Variants in XYLT1 observed in about 807,000 individuals in gnomAD.
XYLT1 encodes beta-D-xylosyltransferase 1.
A neutral mutation model predicts 91.3 loss-of-function variants in XYLT1; 36 were observed. That is an observed-to-expected ratio of 0.39 (90% CI 0.30 to 0.52). The LOEUF (loss-of-function observed/expected upper bound fraction) is 0.52, where lower values mean the gene tolerates loss of function less well. Ranked by LOEUF, XYLT1 falls within the 20% of genes least tolerant of loss-of-function variation. The pLI, the probability that XYLT1 is intolerant of heterozygous loss-of-function variation, is 0.68. For missense variants in XYLT1, 1,242 were observed against 1,284.5 expected, an observed-to-expected ratio of 0.97 and a Z score of 0.51; for synonymous variants, 588 against 532.0, an observed-to-expected ratio of 1.11 and a Z score of -1.45.
chr16:17,383,812 A>C (rs2035713900), intron 1 of XYLT1, among the ~76,000 whole-genome samples: 1 of 147,442 alleles, frequency 6.8e-6, no homozygotes, highest in African/African-American at 2.5e-5. Context: ...CAATGGCAAG[A>C]TCTCGACTCA....
At chr16:17,357,748 A>T (rs1769513883) in intron 2 of XYLT1, among the ~76,000 whole-genome samples, 1 of 152,192 alleles carries the variant, frequency 6.6e-6, no homozygotes, top group South Asian at 2.1e-4. Context: ...CGAAAACTCA[A>T]AAGAAATGAT....
intron 2 of XYLT1, among the ~76,000 whole-genome samples, chr16:17,260,514 A>G (rs1243748013): frequency 6.6e-6 from 1 of 152,074 alleles, no homozygotes; most frequent in East Asian, 1.9e-4. Flanking sequence ...CATCCCTGCT[A>G]GTCCTCCTTT....
chr16:17,300,385 G>C (rs1461198514), intron 2 of XYLT1, among the ~76,000 whole-genome samples: 1 of 150,282 alleles, frequency 6.7e-6, no homozygotes, highest in Non-Finnish European at 1.5e-5. Context: ...TTGTGGTATG[G>C]TTAAATAAAC....
chr16:17,343,339 G>A (rs993690446), intron 2 of XYLT1, among the ~76,000 whole-genome samples: 2 of 152,194 alleles, frequency 1.3e-5, no homozygotes, highest in African/African-American at 2.4e-5. Flanking sequence ...CTTGCTTCAC[G>A]GCACCCAGTG....
At position 17,108,823 on chromosome 16, in the gene XYLT1, C is replaced by T; in HGVS notation, c.2752G>A (p.Asp918Asn). ...GCTGTGGGGCCCGTGGCACAGATGT[C>T]CATGGCAGTCCACATCCCGCCCACC... Reference protein sequence around the residue: ...SLVGGMWTAMDICATGPTACP... With the variant: ...SLVGGMWTAMNICATGPTACP... The change falls in exon 12 of 12, where the codon GAC becomes AAC. Residue 918 changes from aspartate (D) to asparagine (N), a missense_variant. Physicochemically the swap from Asp to Asn is conservative, Grantham distance 23 (BLOSUM62 1). Coordinates refer to ENST00000261381, the MANE Select transcript of XYLT1 (RefSeq NM_022166.4). 1 of 1,612,742 alleles carries T rather than the reference C, an allele frequency of 6.2e-7. No individual in the cohort carries two copies. Among genetic ancestry groups the T allele is most frequent in the Non-Finnish European group, 8.5e-7 (1 of 1,179,952 alleles).
chr16:17,109,620 G>T (rs1966826487), intron 11 of XYLT1, among the ~76,000 whole-genome samples: 1 of 152,246 alleles, frequency 6.6e-6, no homozygotes, highest in Non-Finnish European at 1.5e-5. Flanking sequence ...ACTTGTGTTT[G>T]TAAATAAAGT....
intron 3 of XYLT1, among the ~76,000 whole-genome samples, chr16:17,213,120 C>T (rs1289467737): frequency 6.6e-6 from 1 of 152,070 alleles, no homozygotes; most frequent in Admixed American, 6.5e-5. Context: ...GGGGGTGGAT[C>T]CTTCATGAAT....
At chr16:17,307,206 G>A (rs113072151) in intron 2 of XYLT1, among the ~76,000 whole-genome samples, 7,511 of 152,246 alleles carry the variant, frequency 0.049, 442 homozygotes, top group African/African-American at 0.13. Flanking sequence ...AGCCTCCTGA[G>A]TAGCTGGGAT....
At chr16:17,451,946 A>G (rs573593517) in intron 1 of XYLT1, among the ~76,000 whole-genome samples, 1 of 152,338 alleles carries the variant, frequency 6.6e-6, no homozygotes, top group African/African-American at 2.4e-5. Context: ...GAGGAAATTG[A>G]TCAGCAGAAA....
chr16:17,373,064 A>G (rs2035556275), intron 1 of XYLT1, among the ~76,000 whole-genome samples: 1 of 152,288 alleles, frequency 6.6e-6, no homozygotes. Context: ...GCCTGTTAGC[A>G]ATACATTCTC....
At chr16:17,407,552 C>T (rs947809598) in intron 1 of XYLT1, among the ~76,000 whole-genome samples, 1 of 152,200 alleles carries the variant, frequency 6.6e-6, no homozygotes, top group Non-Finnish European at 1.5e-5. Flanking sequence ...GCTCAGCCTC[C>T]CATGTGCTGG....
intron 1 of XYLT1, among the ~76,000 whole-genome samples, chr16:17,452,338 T>C (rs1473457126): frequency 1.1e-4 from 17 of 149,490 alleles, no homozygotes; most frequent in Admixed American, 1.0e-3. Flanking sequence ...TAACAGGGTC[T>C]CAGGCCTGGC....
intron 1 of XYLT1, among the ~76,000 whole-genome samples, chr16:17,412,948 C>T (rs1332667324): frequency 6.6e-6 from 1 of 152,218 alleles, no homozygotes; most frequent in African/African-American, 2.4e-5. Flanking sequence ...TCTGCTGAGC[C>T]TCTGACTTCT....
chr16:17,170,091 G>T (rs1394832244), intron 5 of XYLT1, among the ~76,000 whole-genome samples: 2 of 152,132 alleles, frequency 1.3e-5, no homozygotes. Context: ...ATTTAACAAT[G>T]GTCTATGAGT....
intron 5 of XYLT1, among the ~76,000 whole-genome samples, chr16:17,165,828 T>G (rs997332681): frequency 2.0e-5 from 3 of 152,250 alleles, no homozygotes; most frequent in African/African-American, 7.2e-5. Flanking sequence ...CATGTGGGCA[T>G]GATAGGTTTC....
chr16:17,202,800 G>T (rs371086965), intron 3 of XYLT1, among the ~76,000 whole-genome samples: 39 of 150,508 alleles, frequency 2.6e-4, no homozygotes, highest in Admixed American at 2.3e-3. Context: ...AGAGATGAGG[G>T]GCTATTTTGG....
intron 5 of XYLT1, chr16:17,193,032 C>G (rs778866371): frequency 6.6e-6 from 1 of 152,052 alleles, no homozygotes; most frequent in Non-Finnish European, 1.5e-5. Context: ...AGGCTGGTCT[C>G]GAACCCCTAA....
intron 1 of XYLT1, among the ~76,000 whole-genome samples, chr16:17,416,247 C>A (rs898827035): frequency 6.6e-6 from 1 of 152,246 alleles, no homozygotes. Flanking sequence ...ACATCCCTTC[C>A]GGGATAAACT....
At chr16:17,364,396 C>T (rs975100634) in intron 1 of XYLT1, among the ~76,000 whole-genome samples, 4 of 152,180 alleles carry the variant, frequency 2.6e-5, no homozygotes, top group Admixed American at 2.6e-4. Flanking sequence ...TTGAACACAG[C>T]ATACCACTGA....
Sources: gnomAD v4.1 joint callset for allele counts (sites outside exome capture counted in the v4.1 genomes callset) on GRCh38, gnomAD v4.1.1 for gene constraint, MANE v1.5 for transcripts, NCBI Gene and HGNC (gene_info 2026-07-23, HGNC 2026-07-21) for gene names.